Variants in QTMAN observed in about 807,000 individuals in gnomAD.
The protein encoded by QTMAN is tRNA-queuosine alpha-mannosyltransferase.
chr2:144,218,533 A>ATAT, the QTMAN span, among the ~76,000 whole-genome samples: 1 of 152,204 alleles, frequency 6.6e-6, no homozygotes, highest in Non-Finnish European at 1.5e-5. Context: ...GGTAATTATA[A>ATAT]ATATACACAC....
the QTMAN span, among the ~76,000 whole-genome samples, chr2:144,118,206 G>A: frequency 6.6e-6 from 1 of 152,064 alleles, no homozygotes; most frequent in Non-Finnish European, 1.5e-5. Context: ...GACTTGAAAT[G>A]TGTTATTGTC....
chr2:143,939,143 T>C, the QTMAN span: 1 of 152,218 alleles, frequency 6.6e-6, no homozygotes, highest in East Asian at 1.9e-4. Context: ...TCTCCCCTTT[T>C]TGGCTTTCTC....
the QTMAN span, among the ~76,000 whole-genome samples, chr2:143,967,725 G>A: frequency 6.6e-6 from 1 of 152,146 alleles, no homozygotes; most frequent in African/African-American, 2.4e-5. Context: ...AAGAGATTAC[G>A]AATGCTGAAT....
At chr2:144,322,861 T>G in the QTMAN span, among the ~76,000 whole-genome samples, 1 of 152,184 alleles carries the variant, frequency 6.6e-6, no homozygotes, top group Non-Finnish European at 1.5e-5. Flanking sequence ...ATACAGATAT[T>G]ACAAATCTTG....
the QTMAN span, among the ~76,000 whole-genome samples, chr2:144,144,587 G>A: frequency 1.3e-5 from 2 of 151,514 alleles, no homozygotes; most frequent in Non-Finnish European, 2.9e-5. Context: ...ATTTTAAAAC[G>A]GCTGCTTTTT....
chr2:144,007,127 A>T, the QTMAN span: 1 of 993,504 alleles, frequency 1.0e-6, no homozygotes, highest in East Asian at 2.4e-5. Flanking sequence ...TCAACAGAAT[A>T]TATTTTCTTT....
chr2:144,175,849 G>A, the QTMAN span, among the ~76,000 whole-genome samples: 6,641 of 152,096 alleles, frequency 0.044, 479 homozygotes, highest in African/African-American at 0.15. Flanking sequence ...ATTTTTAGCA[G>A]AAACGTGGTT....
chr2:144,018,082 ACCTTTTACTTTT>A, the QTMAN span, among the ~76,000 whole-genome samples: 1 of 152,108 alleles, frequency 6.6e-6, no homozygotes, highest in Non-Finnish European at 1.5e-5. Context: ...ACTGTTTTCC[ACCTTTTACTTTT>A]CCTTGTCTTT....
At chr2:144,037,140 A>T in the QTMAN span, among the ~76,000 whole-genome samples, 1 of 152,218 alleles carries the variant, frequency 6.6e-6, no homozygotes, top group East Asian at 1.9e-4. Context: ...TTTAATAGGT[A>T]AGCAGTTTTC....
At chr2:144,166,625 T>G in the QTMAN span, among the ~76,000 whole-genome samples, 1 of 152,204 alleles carries the variant, frequency 6.6e-6, no homozygotes, top group African/African-American at 2.4e-5. Flanking sequence ...AAAATAAAAA[T>G]GAATATAAAT....
At chr2:144,136,055 G>A in the QTMAN span, among the ~76,000 whole-genome samples, 2 of 152,104 alleles carry the variant, frequency 1.3e-5, no homozygotes, top group Non-Finnish European at 2.9e-5. Flanking sequence ...GCCAGGCAAG[G>A]TGGCTCATGG....
the QTMAN span, chr2:144,294,425 C>G: frequency 1.3e-5 from 2 of 152,088 alleles, no homozygotes; most frequent in Non-Finnish European, 2.9e-5. Context: ...TTTTTTCTTC[C>G]CCACTGGAAT....
At chr2:143,950,865 T>G in the QTMAN span, 3 of 152,052 alleles carry the variant, frequency 2.0e-5, no homozygotes, top group Non-Finnish European at 4.4e-5. Flanking sequence ...ATACTGAAGC[T>G]GGAACTGTTC....
At chr2:144,189,953 CTTA>C in the QTMAN span, among the ~76,000 whole-genome samples, 1 of 152,058 alleles carries the variant, frequency 6.6e-6, no homozygotes, top group Non-Finnish European at 1.5e-5. Flanking sequence ...ATAATAGGGT[CTTA>C]TTATTCATTT....
At chr2:144,027,018 T>C in the QTMAN span, among the ~76,000 whole-genome samples, 1 of 152,226 alleles carries the variant, frequency 6.6e-6, no homozygotes, top group Non-Finnish European at 1.5e-5. Flanking sequence ...CTGCCAACTT[T>C]ACAAAGTAGA....
the QTMAN span, among the ~76,000 whole-genome samples, chr2:144,239,298 T>C: frequency 2.6e-5 from 4 of 152,206 alleles, no homozygotes; most frequent in South Asian, 4.1e-4. Flanking sequence ...AGAGCAATGC[T>C]ACAAAACAAG....
chr2:144,193,535 T>C, the QTMAN span, among the ~76,000 whole-genome samples: 2 of 151,012 alleles, frequency 1.3e-5, no homozygotes, highest in East Asian at 1.9e-4. Flanking sequence ...TGTGTGTGTG[T>C]AAAGAGAGAA....
the QTMAN span, among the ~76,000 whole-genome samples, chr2:144,209,553 C>T: frequency 6.6e-5 from 10 of 152,248 alleles, no homozygotes; most frequent in Admixed American, 6.5e-4. Context: ...TTTAGACAAG[C>T]AACCTATTAA....
the QTMAN span, among the ~76,000 whole-genome samples, chr2:144,091,044 C>T: frequency 6.6e-6 from 1 of 151,994 alleles, no homozygotes; most frequent in Non-Finnish European, 1.5e-5. Context: ...CAGACACACA[C>T]ACACACACTC....
Sources: gnomAD v4.1 joint callset for allele counts (sites outside exome capture counted in the v4.1 genomes callset) on GRCh38, gnomAD v4.1.1 for gene constraint, MANE v1.5 for transcripts, NCBI Gene and HGNC (gene_info 2026-07-23, HGNC 2026-07-21) for gene names.